ROBO1: variants seen among roughly 807,000 people sequenced by gnomAD.
ROBO1 encodes roundabout guidance receptor 1.
ROBO1 carries 149 observed loss-of-function variants against 195.9 expected under a neutral mutation model. The observed-to-expected ratio is 0.76, with a 90% confidence interval of 0.67 to 0.87. ROBO1 has a LOEUF of 0.87. ROBO1 is among the 40% of genes least tolerant of loss of function. The pLI is 0.00. For missense variants in ROBO1, 1,933 were observed against 2,068.3 expected (o/e 0.93, Z 1.27); for synonymous variants, 816 against 733.2 (o/e 1.11, Z -1.82).
Position 79,589,832 on chromosome 3 carries a change from A to C in ROBO1, c.80T>G (p.Leu27Arg). 2 of 1,610,500 alleles carry C rather than the reference A, an allele frequency of 1.2e-6. No individual in the cohort carries two copies. The highest frequency in any genetic ancestry group is 4.5e-5 in the East Asian group (2 of 44,778). The change falls in exon 2 of 31, where the codon CTT (leucine) becomes CGT (arginine). Residue 27 changes from leucine (L) to arginine (R), a missense_variant. Physicochemically the swap from Leu to Arg is moderately radical, Grantham distance 102. Transcript: ENST00000464233. ...AAATGCACAGCACTTACCTGGAATA[A>C]GCTGGGCCAGAAACAGGTGATTTGG... ...LSPNHLFLAQ[L>R]IPDPEDVERG...
At chr3:78,799,214 C>T (rs139373994) in intron 4 of ROBO1, among the ~76,000 whole-genome samples, 213 of 152,290 alleles carry the variant, frequency 1.4e-3, no homozygotes, top group African/African-American at 5.1e-3. Context: ...ATCAATTTTA[C>T]TGTGTGTTCC....
At chr3:79,539,674 T>G (rs1941994509) in intron 2 of ROBO1, among the ~76,000 whole-genome samples, 3 of 152,104 alleles carry the variant, frequency 2.0e-5, no homozygotes, top group African/African-American at 7.2e-5. Context: ...ATTAAAAACT[T>G]TCAATCTTTG....
intron 2 of ROBO1, among the ~76,000 whole-genome samples, chr3:79,477,581 G>A (rs536132747): frequency 3.2e-4 from 49 of 152,234 alleles, no homozygotes; most frequent in African/African-American, 2.9e-4. Context: ...CAACAAGTGG[G>A]AAAGTGCACA....
chr3:79,343,320 TA>T (rs2034983431), intron 2 of ROBO1, among the ~76,000 whole-genome samples: 1 of 152,174 alleles, frequency 6.6e-6, no homozygotes. Flanking sequence ...TTTTGTGCAA[TA>T]AAAGTTTCCT....
intron 2 of ROBO1, among the ~76,000 whole-genome samples, chr3:79,521,801 G>A (rs560162444): frequency 6.6e-6 from 1 of 152,138 alleles, no homozygotes; most frequent in South Asian, 2.1e-4. Context: ...GTCTGCTCCT[G>A]AGATTAAGGG....
At position 78,614,656 on chromosome 3, in the gene ROBO1, T is replaced by C. The variant is rs751070851; in HGVS notation, c.4427A>G (p.Tyr1476Cys). Reference sequence around the variant, plus strand: ...CGTGTCAATGGACTCACCATCTGTGTAGGTTTCTCTGCGCAGATGTCCTGG... The same window carrying C: ...CGTGTCAATGGACTCACCATCTGTGCAGGTTTCTCTGCGCAGATGTCCTGG... ...HQPGHLRRETYTDDLPPPPVP... is the reference protein window; with the variant it reads ...HQPGHLRRETCTDDLPPPPVP... The change falls in exon 28 of 31, where the codon TAC becomes TGC. Residue 1476 changes from tyrosine (Y) to cysteine (C), a missense_variant. By Grantham distance (194) the Tyr-to-Cys change is radical (BLOSUM62 -2). This residue lies in a region of ROBO1 where 1,737 missense variants were observed against 1,882.5 expected (regional missense o/e 0.92). Transcript: ENST00000464233. 1.2e-6 allele frequency: 2 copies of C among 1,613,698 alleles called. No homozygotes were observed. Among genetic ancestry groups the C allele is most frequent in the South Asian group, 2.2e-5 (2 of 91,062 alleles).
chr3:78,938,258 T>C lies in ROBO1; in HGVS notation c.499+343A>G, dbSNP rs1048476481. 8.0e-5 allele frequency: 20 copies of C among 249,238 alleles called. No homozygotes were observed. In the Admixed American group the frequency reaches 1.0e-3, roughly 13 times the overall value. 15.4% of individuals were successfully genotyped at this position (249,238 alleles called of 1,614,324 possible). ...CAAGCAATTCTCTTGCCTCAGTGTC[T>C]CAAGTAGCTGAACTATAGGCAGCAC... On this transcript the variant is annotated intron_variant, in intron 4 of 30. Coordinates refer to ENST00000464233, the MANE Select transcript of ROBO1 (RefSeq NM_002941.4).
At chr3:78,939,463 A>T (rs1220601063) in intron 3 of ROBO1, among the ~76,000 whole-genome samples, 1 of 151,108 alleles carries the variant, frequency 6.6e-6, no homozygotes, top group Admixed American at 6.6e-5. Context: ...AAAAAAAAAA[A>T]AAAAATTAGC....
chr3:78,619,063 C>T (rs965212029), intron 26 of ROBO1, among the ~76,000 whole-genome samples: 1 of 152,194 alleles, frequency 6.6e-6, no homozygotes, highest in Non-Finnish European at 1.5e-5. Flanking sequence ...AAAAGGAAGA[C>T]ATGGTTGGAT....
At chr3:78,629,053 G>A (rs1353647313) in intron 25 of ROBO1, among the ~76,000 whole-genome samples, 2 of 151,726 alleles carry the variant, frequency 1.3e-5, no homozygotes. Context: ...CAAAACACTC[G>A]AGTATCTGCA....
intron 22 of ROBO1, among the ~76,000 whole-genome samples, chr3:78,639,137 C>A (rs1705753572): frequency 6.6e-6 from 1 of 151,546 alleles, no homozygotes; most frequent in Non-Finnish European, 1.5e-5. Flanking sequence ...CAGAGTGAGA[C>A]TCTTGTCAAA....
At chr3:79,023,788 C>T (rs2078149031) in intron 3 of ROBO1, among the ~76,000 whole-genome samples, 1 of 149,668 alleles carries the variant, frequency 6.7e-6, no homozygotes, top group Non-Finnish European at 1.5e-5. Context: ...CTGCAACCTC[C>T]GCCTCCCATG....
intron 1 of ROBO1, among the ~76,000 whole-genome samples, chr3:79,758,601 A>G (rs1294711313): frequency 1.3e-5 from 2 of 152,238 alleles, no homozygotes; most frequent in African/African-American, 2.4e-5. Context: ...CAATAAAGTT[A>G]TATCTTGAAG....
intron 1 of ROBO1, among the ~76,000 whole-genome samples, chr3:79,598,086 G>A (rs2107851611): frequency 6.6e-6 from 1 of 152,152 alleles, no homozygotes. Flanking sequence ...AAGAAACTCA[G>A]GGAATAGTGA....
intron 2 of ROBO1, among the ~76,000 whole-genome samples, chr3:79,513,393 T>A (rs1454794574): frequency 6.6e-6 from 1 of 151,918 alleles, no homozygotes; most frequent in African/African-American, 2.4e-5. Flanking sequence ...TAAAAAGCAA[T>A]CTTTATGTTC....
At chr3:79,479,805 T>C (rs1014016683) in intron 2 of ROBO1, among the ~76,000 whole-genome samples, 4 of 152,194 alleles carry the variant, frequency 2.6e-5, no homozygotes, top group African/African-American at 9.7e-5. Flanking sequence ...TGGAACTAGA[T>C]CTTTCATCAA....
chr3:78,798,327 A>C (rs2084248569), intron 4 of ROBO1, among the ~76,000 whole-genome samples: 1 of 152,200 alleles, frequency 6.6e-6, no homozygotes, highest in Non-Finnish European at 1.5e-5. Flanking sequence ...TTTTCACTGA[A>C]GTGTCAAATA....
chr3:79,665,000 T>TCTGC (rs1290344007), intron 1 of ROBO1, among the ~76,000 whole-genome samples: 2 of 152,020 alleles, frequency 1.3e-5, no homozygotes, highest in Non-Finnish European at 2.9e-5. Context: ...AGTTTGATTT[T>TCTGC]CTTACTGAAA....
chr3:79,630,491 T>C (rs1024753641), intron 1 of ROBO1, among the ~76,000 whole-genome samples: 9 of 151,922 alleles, frequency 5.9e-5, no homozygotes, highest in Non-Finnish European at 8.8e-5. Context: ...GAATCATACC[T>C]CAAAATAATA....
Sources: allele counts gnomAD v4.1 joint callset (sites outside exome capture counted in the v4.1 genomes callset), GRCh38; gene constraint gnomAD v4.1.1; regional missense constraint gnomAD v4.1.1; transcripts MANE v1.5; gene names NCBI Gene and HGNC (gene_info 2026-07-23, HGNC 2026-07-21).